Variants in SNX29 observed in about 807,000 individuals in gnomAD.
SNX29 encodes the protein sorting nexin-29.
SNX29 carries 78 observed loss-of-function variants against 102.1 expected under a neutral mutation model. The ratio of observed to expected loss-of-function variants is 0.76; its 90% CI spans 0.64 to 0.92. SNX29 has a LOEUF of 0.92. Among genes scored for constraint, SNX29 ranks in the 40% least tolerant of loss-of-function variants. SNX29 has a pLI of 0.00. For missense variants in SNX29, 1,280 were observed against 1,061.7 expected (o/e 1.21, Z -2.86); for synonymous variants, 580 against 414.5 (o/e 1.40, Z -4.85).
At chr16:12,186,902 T>C (rs1349844722) in intron 13 of SNX29, among the ~76,000 whole-genome samples, 2 of 152,294 alleles carry the variant, frequency 1.3e-5, no homozygotes, top group East Asian at 1.9e-4. Context: ...GTCTCACAGA[T>C]GGCAAAACTC....
chr16:12,294,134 T>G (rs2079898406), intron 15 of SNX29, among the ~76,000 whole-genome samples: 1 of 152,264 alleles, frequency 6.6e-6, no homozygotes, highest in South Asian at 2.1e-4. Flanking sequence ...ATCCTAGCTC[T>G]AGGCGCATGC....
intron 18 of SNX29, among the ~76,000 whole-genome samples, chr16:12,446,150 G>A (rs1382715475): frequency 6.7e-6 from 1 of 149,258 alleles, no homozygotes; most frequent in Non-Finnish European, 1.5e-5. Context: ...CCACCTCTTG[G>A]GCTCAAGCAG....
chr16:11,982,912 T>G (rs2055455327), intron 1 of SNX29, among the ~76,000 whole-genome samples: 1 of 152,104 alleles, frequency 6.6e-6, no homozygotes, highest in Non-Finnish European at 1.5e-5. Context: ...CAGCTTTTTA[T>G]TAAAAAAAAT....
intron 1 of SNX29, among the ~76,000 whole-genome samples, chr16:11,995,020 G>T (rs551574186): frequency 6.6e-6 from 1 of 152,220 alleles, no homozygotes; most frequent in East Asian, 1.9e-4. Context: ...GTTGATAAGT[G>T]GTCCTGAGAC....
chr16:12,564,959 A>T, intron 20 of SNX29, among the ~76,000 whole-genome samples: 1 of 148,734 alleles, frequency 6.7e-6, no homozygotes, highest in African/African-American at 2.5e-5. Context: ...AAAGGCTGTC[A>T]TTGTAAATGT....
intron 19 of SNX29, among the ~76,000 whole-genome samples, chr16:12,496,901 A>C (rs1463659361): frequency 3.3e-5 from 5 of 152,044 alleles, no homozygotes; most frequent in Non-Finnish European, 7.4e-5. Flanking sequence ...AAGCATGAGC[A>C]AAGCTGCAGA....
chr16:12,494,388 T>C (rs947714569), intron 19 of SNX29, among the ~76,000 whole-genome samples: 1 of 152,184 alleles, frequency 6.6e-6, no homozygotes, highest in African/African-American at 2.4e-5. Context: ...CAGTTCCGCA[T>C]CAGACTCCGC....
At chr16:12,165,237 G>A (rs752332566) in intron 13 of SNX29, among the ~76,000 whole-genome samples, 9 of 152,234 alleles carry the variant, frequency 5.9e-5, no homozygotes, top group Admixed American at 3.9e-4. Flanking sequence ...TGTTTCCTGC[G>A]TAATTGTCCT....
At chr16:12,566,645 C>G (rs142386414) in intron 20 of SNX29, among the ~76,000 whole-genome samples, 1 of 152,230 alleles carries the variant, frequency 6.6e-6, no homozygotes, top group Admixed American at 6.5e-5. Context: ...CTTCCAGCAT[C>G]TTTGAACCAT....
intron 11 of SNX29, among the ~76,000 whole-genome samples, chr16:12,083,299 ATGTCTC>A: frequency 7.4e-6 from 1 of 135,928 alleles, no homozygotes; most frequent in South Asian, 2.3e-4. Flanking sequence ...GAGCAAGACT[ATGTCTC>A]AAAAAAAAAA....
At position 12,315,630 on chromosome 16, in the gene SNX29, G is replaced by A. The variant is rs574038886; in HGVS notation, c.1782+37594G>A. On this transcript the variant is annotated intron_variant, in intron 15 of 20. Transcript: ENST00000566228. ...CAAAAAAGATGGTCATCTGCAAGCC[G>A]TGGAGTGGCCTCAGGAGAAACCAAC... Among the ~76,000 whole-genome samples, 13 of 152,288 alleles carry A rather than the reference G, an allele frequency of 8.5e-5. No individual in the cohort carries two copies. The East Asian group carries it at 2.3e-3, about 27-fold the overall frequency.
chr16:12,481,781 C>CA (rs2087948068), intron 19 of SNX29, among the ~76,000 whole-genome samples: 1 of 152,190 alleles, frequency 6.6e-6, no homozygotes, highest in South Asian at 2.1e-4. Flanking sequence ...GTGATCCTCC[C>CA]ACCTCGGCCT....
At chr16:12,279,028 A>G (rs890877218) in intron 15 of SNX29, among the ~76,000 whole-genome samples, 8 of 152,246 alleles carry the variant, frequency 5.3e-5, no homozygotes, top group African/African-American at 9.6e-5. Context: ...ACCATATTCA[A>G]TGGTAAAGTT....
chr16:12,342,152 T>C (rs1011702862), intron 15 of SNX29, among the ~76,000 whole-genome samples: 10 of 152,198 alleles, frequency 6.6e-5, no homozygotes, highest in Admixed American at 5.9e-4. Context: ...GGAAGCATTG[T>C]GATACTTTTG....
At chr16:12,545,650 T>A (rs1004242872) in intron 20 of SNX29, 1 of 152,258 alleles carries the variant, frequency 6.6e-6, no homozygotes, top group Non-Finnish European at 1.5e-5. Context: ...GAGTCTACAC[T>A]ATGGCCCTTC....
chr16:12,270,239 C>G, intron 14 of SNX29, among the ~76,000 whole-genome samples: 1 of 152,134 alleles, frequency 6.6e-6, no homozygotes, highest in Non-Finnish European at 1.5e-5. Flanking sequence ...TGATCAGTTG[C>G]AAATGTTTGT....
intron 14 of SNX29, among the ~76,000 whole-genome samples, chr16:12,258,804 A>G (rs748431253): frequency 2.0e-5 from 3 of 152,156 alleles, no homozygotes; most frequent in Non-Finnish European, 4.4e-5. Flanking sequence ...TCCTCTGTTA[A>G]AGGTGCCCAG....
chr16:12,069,072 G>A lies in SNX29; in HGVS notation c.1259G>A (p.Ser420Asn). Residue 420 changes from serine to asparagine, a missense_variant, in exon 10 of 21, where the codon AGC becomes AAC. Coordinates refer to ENST00000566228, the MANE Select transcript of SNX29 (RefSeq NM_032167.5). ...CTCTGCACAGATGCCCCCCTCGGAA[G>A]CCTGGAGAACGGGACAGGACCAGAG... The part of the protein sequence containing the change: ...SYSPADAPLG[S>N]LENGTGPEDH... The A allele has an allele frequency of 6.2e-7, 1 of 1,613,904 alleles. No individual in the cohort carries two copies. Among genetic ancestry groups the A allele is most frequent in the Non-Finnish European group, 8.5e-7 (1 of 1,179,834 alleles).
chr16:12,271,061 A>G (rs1356041065), intron 14 of SNX29, among the ~76,000 whole-genome samples: 2 of 152,188 alleles, frequency 1.3e-5, no homozygotes, highest in South Asian at 4.1e-4. Flanking sequence ...CAATAAATAA[A>G]GTGGTCTCTC....
Sources: allele counts gnomAD v4.1 joint callset (sites outside exome capture counted in the v4.1 genomes callset), GRCh38; gene constraint gnomAD v4.1.1; transcripts MANE v1.5; gene names NCBI Gene and HGNC (gene_info 2026-07-23, HGNC 2026-07-21).